ZBTB43: variants seen among roughly 807,000 people sequenced by gnomAD.
The protein encoded by ZBTB43 is zinc finger and BTB domain containing 43.
In ZBTB43, 6 loss-of-function variants were observed where a neutral mutation model predicts 31.1. The ratio of observed to expected loss-of-function variants is 0.19; its 90% CI spans 0.11 to 0.38. ZBTB43 has a LOEUF of 0.38. Among genes scored for constraint, ZBTB43 ranks in the 10% least tolerant of loss-of-function variants. The pLI is 1.00. For missense variants in ZBTB43, 379 were observed against 602.1 expected, an observed-to-expected ratio of 0.63 and a Z score of 3.88; for synonymous variants, 212 against 221.7, an observed-to-expected ratio of 0.96 and a Z score of 0.39.
chr9:126,826,427 G>A (rs1438359510), intron 2 of ZBTB43, among the ~76,000 whole-genome samples: 4 of 147,022 alleles, frequency 2.7e-5, no homozygotes, highest in African/African-American at 1.0e-4. Flanking sequence ...GATTACAGGC[G>A]TGCGCCACCA....
intron 2 of ZBTB43, among the ~76,000 whole-genome samples, chr9:126,821,227 G>A (rs1564203406): frequency 6.6e-6 from 1 of 151,876 alleles, no homozygotes; most frequent in Non-Finnish European, 1.5e-5. Flanking sequence ...ATAAAAATTA[G>A]TGTGGTGGCA....
Position 126,805,063 on chromosome 9 carries a change from T to C in ZBTB43, c.-216T>C, listed in dbSNP as rs2032091076. On this transcript the variant is annotated 5_prime_UTR_variant, in exon 1 of 3. Coordinates refer to ENST00000373464, the MANE Select transcript of ZBTB43 (RefSeq NM_014007.4). ...CTGAATCTGTTGCGGCAGCTGAGGC[T>C]ACAACAGGCCTGCGCCGGCGGCAGA... 1.3e-5 allele frequency: 2 copies of C among 152,372 alleles called. No individual in the cohort carries two copies. The highest frequency in any genetic ancestry group is 2.4e-5 in the African/African-American group (1 of 41,430). The allele number at this position is 152,372 out of a possible 1,614,324, so 9.4% of individuals were successfully genotyped here. A position where few individuals can be genotyped will look rare whatever the true frequency, so the allele number is the denominator to read the frequency against.
chr9:126,826,197 A>G (rs1300101246), intron 2 of ZBTB43, among the ~76,000 whole-genome samples: 1 of 150,904 alleles, frequency 6.6e-6, no homozygotes, highest in Non-Finnish European at 1.5e-5. Context: ...TATTTTTAGT[A>G]GAGATGGGGT....
intron 2 of ZBTB43, among the ~76,000 whole-genome samples, chr9:126,815,282 AT>A (rs2032354638): frequency 7.1e-6 from 1 of 140,416 alleles, no homozygotes; most frequent in African/African-American, 2.7e-5. Context: ...CTATATATAT[AT>A]AGTTTTCAAT....
intron 2 of ZBTB43, among the ~76,000 whole-genome samples, chr9:126,829,602 C>T (rs2032723105): frequency 1.3e-5 from 2 of 152,026 alleles, no homozygotes; most frequent in South Asian, 4.1e-4. Flanking sequence ...ATGATTTATT[C>T]TGATATATGC....
chr9:126,804,889 C>G (rs776550984), upstream of ZBTB43: 4 of 152,562 alleles, frequency 2.6e-5, no homozygotes, highest in Non-Finnish European at 5.9e-5. Context: ...ACTGCGCAGG[C>G]GCCCGCTACC....
Position 126,833,134 on chromosome 9 carries a change from G to C in ZBTB43, c.625G>C (p.Glu209Gln), listed in dbSNP as rs1160330406. 1 of 1,614,052 alleles carries C rather than the reference G, an allele frequency of 6.2e-7. No individual in the cohort carries two copies. The highest frequency in any genetic ancestry group is 1.7e-5 in the Admixed American group (1 of 60,028). Reference sequence around the variant, plus strand: ...CACAGAGCATGACCGCCTGAGCACGGAAATGGCAAGCCAGGATGGGGAGGA... The same window carrying C: ...CACAGAGCATGACCGCCTGAGCACGCAAATGGCAAGCCAGGATGGGGAGGA... ...SSTEHDRLST[E>Q]MASQDGEEGA... Residue 209 changes from glutamate (E) to glutamine (Q), a missense_variant, in exon 3 of 3, where the codon GAA becomes CAA. Physicochemically the swap from Glu to Gln is conservative, Grantham distance 29. Transcript: ENST00000373464. The surrounding 1 kb of genome is among the most constrained non-coding windows in gnomAD (Gnocchi z 7.9).
intron 2 of ZBTB43, among the ~76,000 whole-genome samples, chr9:126,817,976 G>T (rs2032427681): frequency 1.3e-5 from 2 of 152,088 alleles, no homozygotes; most frequent in South Asian, 4.1e-4. Context: ...ATTTTTGATA[G>T]GGCTTGGTTT....
At chr9:126,825,599 C>CTG (rs1440946556) in intron 2 of ZBTB43, among the ~76,000 whole-genome samples, 1 of 152,102 alleles carries the variant, frequency 6.6e-6, no homozygotes, top group East Asian at 1.9e-4. Flanking sequence ...CCTAGTGTCT[C>CTG]TGTGTGTGTC....
At chr9:126,810,571 G>A (rs533814010) in intron 2 of ZBTB43, among the ~76,000 whole-genome samples, 2 of 145,816 alleles carry the variant, frequency 1.4e-5, no homozygotes, top group Non-Finnish European at 3.0e-5. Flanking sequence ...CGAGATCTTG[G>A]CTCACTGCGA....
At chr9:126,805,343 C>A (rs2032099743) in intron 1 of ZBTB43, among the ~76,000 whole-genome samples, 1 of 152,208 alleles carries the variant, frequency 6.6e-6, no homozygotes, top group South Asian at 2.1e-4. Context: ...GCGCGCAGAC[C>A]GCGATACCGA....
At chr9:126,812,365 T>G (rs2032269069) in intron 2 of ZBTB43, among the ~76,000 whole-genome samples, 1 of 152,268 alleles carries the variant, frequency 6.6e-6, no homozygotes, top group Non-Finnish European at 1.5e-5. Flanking sequence ...AATAATGCAG[T>G]TATGAACATT....
intron 2 of ZBTB43, among the ~76,000 whole-genome samples, chr9:126,821,331 G>A (rs189102017): frequency 5.3e-5 from 8 of 151,896 alleles, no homozygotes; most frequent in African/African-American, 2.4e-5. Context: ...AGCTGGGATC[G>A]CACCACTGCA....
chr9:126,814,884 G>GC (rs1005264620), intron 2 of ZBTB43, among the ~76,000 whole-genome samples: 85 of 149,730 alleles, frequency 5.7e-4, no homozygotes, highest in African/African-American at 2.0e-3. Context: ...AGGCCTTTCC[G>GC]CCCCCTCCCC....
chr9:126,833,393 A>T lies in ZBTB43; in HGVS notation c.884A>T (p.Glu295Val). ...GTGGAGGAGGACTTCCACATCGGGG[A>T]GAAGAAAGTGGAAGCTGAGTTTGAT... is the stretch of plus-strand genomic sequence containing the variant. Reference protein sequence around the residue: ...SGVEEDFHIGEKKVEAEFDEQ... With the variant: ...SGVEEDFHIGVKKVEAEFDEQ... The change falls in exon 3 of 3, where the codon GAG (glutamate) becomes GTG (valine). Residue 295 changes from glutamate (E) to valine (V), a missense_variant. Coordinates refer to ENST00000373464, the MANE Select transcript of ZBTB43 (RefSeq NM_014007.4). The surrounding 1 kb of genome is among the most constrained non-coding windows in gnomAD (Gnocchi z 7.9). The T allele has an allele frequency of 6.2e-7, 1 of 1,613,936 alleles. No individual in the cohort carries two copies. The highest frequency in any genetic ancestry group is 8.5e-7 in the Non-Finnish European group (1 of 1,179,946).
intron 2 of ZBTB43, among the ~76,000 whole-genome samples, chr9:126,827,754 T>C (rs1489939477): frequency 6.6e-6 from 1 of 152,188 alleles, no homozygotes; most frequent in African/African-American, 2.4e-5. Context: ...ACGCCTGTAA[T>C]CCCAGTACTT....
At chr9:126,807,700 A>G (rs2032157838) in intron 1 of ZBTB43, among the ~76,000 whole-genome samples, 1 of 152,062 alleles carries the variant, frequency 6.6e-6, no homozygotes, top group Admixed American at 6.6e-5. Flanking sequence ...CAGTGGTGCA[A>G]TCCCGGCTCA....
chr9:126,830,714 A>G (rs1249840413), intron 2 of ZBTB43, among the ~76,000 whole-genome samples: 3 of 151,736 alleles, frequency 2.0e-5, no homozygotes, highest in Non-Finnish European at 2.9e-5. Flanking sequence ...AAGGTGACAT[A>G]TGCAGTAATA....
intron 2 of ZBTB43, among the ~76,000 whole-genome samples, chr9:126,823,341 C>T (rs1482883056): frequency 6.6e-6 from 1 of 152,118 alleles, no homozygotes; most frequent in Non-Finnish European, 1.5e-5. Context: ...ATAGATTGAA[C>T]CTTTTTACTC....
Sources: allele counts gnomAD v4.1 joint callset (sites outside exome capture counted in the v4.1 genomes callset), GRCh38; gene constraint gnomAD v4.1.1; non-coding constraint Gnocchi (gnomAD v3.1); transcripts MANE v1.5; gene names NCBI Gene and HGNC (gene_info 2026-07-23, HGNC 2026-07-21).